Variants in DOP1A observed in about 807,000 individuals in gnomAD.
DOP1A encodes DOP1 leucine zipper like protein A, also known as protein DOP1A.
A neutral mutation model predicts 267.6 loss-of-function variants in DOP1A; 90 were observed. The observed-to-expected ratio is 0.34, with a 90% CI of 0.28 to 0.40. The LOEUF (loss-of-function observed/expected upper bound fraction) is 0.40, where lower values mean the gene tolerates loss of function less well. Ranked by LOEUF, DOP1A falls within the 10% of genes least tolerant of loss-of-function variation. The pLI, the probability that DOP1A is intolerant of heterozygous loss-of-function variation, is 1.00. For synonymous variants in DOP1A, 932 were observed against 999.1 expected, an observed-to-expected ratio of 0.93 and a Z score of 1.27; for missense variants, 2,437 against 2,900.4, an observed-to-expected ratio of 0.84 and a Z score of 3.67.
intron 36 of DOP1A, among the ~76,000 whole-genome samples, chr6:83,159,163 G>A (rs1158076840): frequency 5.3e-5 from 8 of 152,158 alleles, no homozygotes; most frequent in Non-Finnish European, 1.2e-4. Flanking sequence ...AGGATCTCCT[G>A]TACTAATAAC....
At chr6:83,128,111 A>T (rs1488443708) in intron 15 of DOP1A, among the ~76,000 whole-genome samples, 1 of 152,196 alleles carries the variant, frequency 6.6e-6, no homozygotes, top group Non-Finnish European at 1.5e-5. Flanking sequence ...GGCAAGGAAC[A>T]TTGCGTGAAG....
Position 83,119,778 on chromosome 6 carries a change from C to G in DOP1A, c.911C>G (p.Pro304Arg). 6.2e-7 allele frequency: 1 copy of G among 1,612,664 alleles called. No individual in the cohort carries two copies. The highest frequency in any genetic ancestry group is 2.2e-5 in the East Asian group (1 of 44,788). The change falls in exon 9 of 39, where the codon CCC (proline) becomes CGC (arginine). Residue 304 changes from proline (P) to arginine (R), a missense_variant. By Grantham distance (103) the Pro-to-Arg change is moderately radical. Around this residue, in one of 9 missense-constraint regions of DOP1A, gnomAD observed 498 missense variants for 513.5 expected, o/e 0.97. Coordinates refer to ENST00000349129, the MANE Select transcript of DOP1A (RefSeq NM_015018.4). ...GATAACAACGGTGCTATCATAGGACCCAGAAGCACAAGACACAGTAATCCT... is the reference window on the plus strand; with the variant it reads ...GATAACAACGGTGCTATCATAGGACGCAGAAGCACAAGACACAGTAATCCT... ...GFDNNGAIIG[P>R]RSTRHSNPEE...
chr6:83,091,491 A>G (rs1201178133), intron 1 of DOP1A, among the ~76,000 whole-genome samples: 3 of 152,208 alleles, frequency 2.0e-5, no homozygotes, highest in African/African-American at 7.2e-5. Flanking sequence ...ATTGCCTAAA[A>G]AAAAGTAAGA....
In DOP1A at chr6:83,091,054, G is replaced by T. The variant is rs577062608; in HGVS notation, c.-146-5677G>T. ...GGGAAGCCTCACAATCATGGGGAAGGCAAGGAGGAGCAAGTCACATCTTAA... is the reference window on the plus strand; with the variant it reads ...GGGAAGCCTCACAATCATGGGGAAGTCAAGGAGGAGCAAGTCACATCTTAA... On this transcript the variant is annotated intron_variant, in intron 1 of 38. Transcript: ENST00000349129. Among the ~76,000 whole-genome samples, 12 of 151,662 alleles carry T rather than the reference G, an allele frequency of 7.9e-5. No individual in the cohort carries two copies. The East Asian group carries it at 2.1e-3, about 27-fold the overall frequency.
At position 83,122,013 on chromosome 6, in the gene DOP1A, G is replaced by A; in HGVS notation, c.1183G>A (p.Glu395Lys). ...CAAAGCAGAGTTGGATCTTCAAACT[G>A]AACCACCCTTCAGCAAGGATCATGC... is the stretch of plus-strand genomic sequence containing the variant. Reference protein sequence around the residue: ...QCKAELDLQTEPPFSKDHAQL... With the variant: ...QCKAELDLQTKPPFSKDHAQL... The change falls in exon 11 of 39, where the codon GAA (glutamate) becomes AAA (lysine). Residue 395 changes from glutamate (E) to lysine (K), a missense_variant. By Grantham distance (56) the Glu-to-Lys change is moderately conservative (BLOSUM62 1). Around this residue, in one of 9 missense-constraint regions of DOP1A, gnomAD observed 498 missense variants for 513.5 expected, o/e 0.97. Coordinates refer to ENST00000349129, the MANE Select transcript of DOP1A (RefSeq NM_015018.4). The A allele has an allele frequency of 6.2e-7, 1 of 1,611,506 alleles. No individual in the cohort carries two copies. The highest frequency in any genetic ancestry group is 8.5e-7 in the Non-Finnish European group (1 of 1,178,146).
intron 1 of DOP1A, among the ~76,000 whole-genome samples, chr6:83,075,143 T>C (rs1430777089): frequency 6.6e-6 from 1 of 152,224 alleles, no homozygotes; most frequent in Non-Finnish European, 1.5e-5. Flanking sequence ...CTTGCTTCTT[T>C]TAGTTAATAT....
Position 83,129,414 on chromosome 6 carries a change from T to C in DOP1A, c.2247T>C (p.Ala749=). Residue 749 remains alanine, a synonymous_variant, in exon 16 of 39, where the codon GCT becomes GCC. Transcript: ENST00000349129. ...TSKEYLSAFL[A]ACQLFLECSS... ...AAGAATACCTGTCTGCCTTCCTTGC[T>C]GCCTGTCAGCTCTTCCTAGAGTGCT... The C allele has an allele frequency of 6.2e-7, 1 of 1,611,226 alleles. No homozygotes were observed.
chr6:83,153,224 C>T (rs1782084501), intron 30 of DOP1A, among the ~76,000 whole-genome samples: 1 of 152,098 alleles, frequency 6.6e-6, no homozygotes, highest in African/African-American at 2.4e-5. Context: ...GTACTAAATT[C>T]ACTGTTTACT....
At chr6:83,096,710 A>C in intron 1 of DOP1A, 21 bp from the exon 2 acceptor site, 2 of 411,198 alleles carry the variant, frequency 4.9e-6, no homozygotes, top group Non-Finnish European at 8.6e-6. Context: ...AAATTTTCAC[A>C]GTCATTTTTC....
At chr6:83,134,677 A>G (rs1778610167) in intron 19 of DOP1A, among the ~76,000 whole-genome samples, 1 of 152,266 alleles carries the variant, frequency 6.6e-6, no homozygotes, top group African/African-American at 2.4e-5. Flanking sequence ...ATTTATTAAA[A>G]TCTATAGCTG....
chr6:83,074,822 A>C (rs899004823), intron 1 of DOP1A, among the ~76,000 whole-genome samples: 1 of 152,184 alleles, frequency 6.6e-6, no homozygotes, highest in Non-Finnish European at 1.5e-5. Context: ...CATAATCCCA[A>C]CACTTTGGAA....
downstream of DOP1A, chr6:83,170,640 TTC>T (rs1384279293): frequency 1.3e-5 from 8 of 610,134 alleles, no homozygotes; most frequent in Middle Eastern, 8.6e-4. Flanking sequence ...TGTGCAACTT[TTC>T]TCTTTTTCTT....
chr6:83,122,235 A>G (rs541605554), intron 11 of DOP1A, among the ~76,000 whole-genome samples, 185 bp downstream of exon 11: 218 of 151,990 alleles, frequency 1.4e-3, no homozygotes, highest in African/African-American at 5.1e-3. Context: ...GCCTCACTAT[A>G]TAAAGACAAT....
intron 4 of DOP1A, among the ~76,000 whole-genome samples, chr6:83,102,239 TGA>T: frequency 6.6e-6 from 1 of 152,348 alleles, no homozygotes; most frequent in Non-Finnish European, 1.5e-5. Flanking sequence ...CCCTCAAATC[TGA>T]GAGTTACACT....
chr6:83,069,354 T>C (rs547417063), intron 1 of DOP1A, among the ~76,000 whole-genome samples: 1 of 152,290 alleles, frequency 6.6e-6, no homozygotes, highest in Non-Finnish European at 1.5e-5. Flanking sequence ...AAGGCAGGAC[T>C]CTTCAAAACC....
chr6:83,139,634 T>G (rs576859250), intron 21 of DOP1A, among the ~76,000 whole-genome samples: 1 of 152,322 alleles, frequency 6.6e-6, no homozygotes, highest in Non-Finnish European at 1.5e-5. Flanking sequence ...GAAAAATTAG[T>G]TCCAGTAGAC....
chr6:83,162,663 G>A, intron 37 of DOP1A, 127 bp from the exon 38 acceptor site: 1 of 1,048,846 alleles, frequency 9.5e-7, no homozygotes, highest in Non-Finnish European at 1.3e-6. Flanking sequence ...AAGGCTACGA[G>A]TGGCACATCT....
At chr6:83,145,446 C>A in intron 24 of DOP1A, 78 bp from the exon 25 acceptor site, 1 of 1,227,342 alleles carries the variant, frequency 8.1e-7, no homozygotes, top group African/African-American at 1.6e-5. Context: ...AAGAAGAGAT[C>A]ATAAAATACT....
At chr6:83,123,127 A>G (rs889279278) in intron 12 of DOP1A, 145 bp downstream of exon 12, 110 of 896,168 alleles carry the variant, frequency 1.2e-4, no homozygotes, top group Middle Eastern at 3.6e-4. Flanking sequence ...ATCTGACTCT[A>G]CCTTGTCACA....
Sources: gnomAD v4.1 joint callset for allele counts (sites outside exome capture counted in the v4.1 genomes callset) on GRCh38, gnomAD v4.1.1 for gene constraint, gnomAD v4.1.1 regional missense constraint, MANE v1.5 for transcripts, NCBI Gene and HGNC (gene_info 2026-07-23, HGNC 2026-07-21) for gene names.